FNBP1: variants seen among roughly 807,000 people sequenced by gnomAD.
FNBP1 encodes the protein formin-binding protein 1.
FNBP1 carries 26 observed loss-of-function variants against 90.6 expected under a neutral mutation model. The ratio of observed to expected loss-of-function variants is 0.29; its 90% CI spans 0.21 to 0.40. The LOEUF is 0.40. FNBP1 is among the 10% of genes least tolerant of loss of function. The probability of loss-of-function intolerance (pLI) is 1.00; values close to 1 mark genes in which losing one functional copy is unlikely to be tolerated. For missense variants in FNBP1, 635 were observed against 768.0 expected (o/e 0.83, Z 2.05); for synonymous variants, 260 against 265.2 (o/e 0.98, Z 0.19).
At chr9:130,051,744 G>T in the FNBP1 span, among the ~76,000 whole-genome samples, 2 of 152,102 alleles carry the variant, frequency 1.3e-5, no homozygotes, top group African/African-American at 4.8e-5. Context: ...CCTGGGAGGT[G>T]GAGACTACAG....
At chr9:129,894,871 C>T (rs914606700) in intron 16 of FNBP1, among the ~76,000 whole-genome samples, 1 of 152,124 alleles carries the variant, frequency 6.6e-6, no homozygotes, top group Non-Finnish European at 1.5e-5. Flanking sequence ...ACCAGCCTGG[C>T]CAACAGAGCG....
intron 2 of FNBP1, among the ~76,000 whole-genome samples, chr9:129,985,989 C>T (rs1391597468): frequency 2.4e-5 from 3 of 124,984 alleles, no homozygotes; most frequent in East Asian, 4.6e-4. Context: ...AAAAAAAATT[C>T]GCCAGGTGTG....
intron 10 of FNBP1, among the ~76,000 whole-genome samples, chr9:129,918,515 T>C (rs1046513557): frequency 4.6e-5 from 7 of 152,218 alleles, no homozygotes; most frequent in African/African-American, 1.7e-4. Context: ...GGCGAGTCCA[T>C]GTGTTATTGG....
chr9:129,940,338 C>T (rs1210870628), intron 6 of FNBP1, among the ~76,000 whole-genome samples: 1 of 151,884 alleles, frequency 6.6e-6, no homozygotes, highest in Admixed American at 6.6e-5. Context: ...GGTATATCTT[C>T]AAAAGAATAA....
intron 1 of FNBP1, among the ~76,000 whole-genome samples, chr9:130,032,712 G>A (rs1271496297): frequency 6.6e-6 from 1 of 151,772 alleles, no homozygotes. Context: ...AGCTTTTTAG[G>A]TGAGGAAATA....
intron 6 of FNBP1, among the ~76,000 whole-genome samples, chr9:129,941,714 C>T (rs1192632028): frequency 6.6e-6 from 1 of 152,176 alleles, no homozygotes; most frequent in Non-Finnish European, 1.5e-5. Flanking sequence ...ATCCTTCCAC[C>T]TTGGCCTCCC....
intron 4 of FNBP1, among the ~76,000 whole-genome samples, chr9:129,959,567 G>A (rs1053135174): frequency 3.9e-5 from 6 of 152,072 alleles, no homozygotes; most frequent in African/African-American, 1.4e-4. Flanking sequence ...CCAGCTCTGG[G>A]CAACAGAGCA....
intron 15 of FNBP1, among the ~76,000 whole-genome samples, chr9:129,897,295 G>A (rs868431966): frequency 2.6e-5 from 4 of 152,164 alleles, no homozygotes; most frequent in South Asian, 2.1e-4. Context: ...TCATTTCAAA[G>A]GCTGCCCACC....
At chr9:129,895,391 A>C in intron 16 of FNBP1, 1 of 1,085,722 alleles carries the variant, frequency 9.2e-7, no homozygotes, top group Admixed American at 5.2e-5. Flanking sequence ...ATTAAGTTAC[A>C]ATCTGTAACC....
At chr9:130,029,051 A>T (rs1377005595) in intron 1 of FNBP1, among the ~76,000 whole-genome samples, 1 of 152,230 alleles carries the variant, frequency 6.6e-6, no homozygotes, top group Non-Finnish European at 1.5e-5. Flanking sequence ...CTGTAAATAC[A>T]GATTACATAT....
chr9:129,965,798 GGGGAAGGAGGGAGGGAGGGAGGAAGGA>G (rs1388202644), intron 4 of FNBP1, among the ~76,000 whole-genome samples: 6 of 122,620 alleles, frequency 4.9e-5, no homozygotes, highest in South Asian at 2.8e-4. Flanking sequence ...GGGAGGGAGG[GGGGAAGGAGGGAGGGAGGGAGGAAGGA>G]AGGAAGGAAG....
Position 129,887,240 on chromosome 9 carries a change from A to G in FNBP1, c.*3299T>C, listed in dbSNP as rs1171357523. On this transcript the variant is annotated 3_prime_UTR_variant, in exon 17 of 17. Coordinates refer to ENST00000446176, the MANE Select transcript of FNBP1 (RefSeq NM_015033.3). ...ATTAACATATAGTTACAAGGTCAAT[A>G]CAAGCCTCCAGTGGAAGCTCTTTAT... The G allele has an allele frequency of 5.4e-6, 1 of 184,788 alleles. No homozygotes were observed. Among genetic ancestry groups the G allele is most frequent in the East Asian group, 8.7e-5 (1 of 11,448 alleles). The allele number at this position is 184,788 out of a possible 1,614,324, so 11.4% of individuals were successfully genotyped here.
intron 10 of FNBP1, 48 bp downstream of exon 10, chr9:129,923,796 A>G: frequency 6.6e-7 from 1 of 1,506,612 alleles, no homozygotes; most frequent in Non-Finnish European, 8.8e-7. Context: ...AGAACCAAAC[A>G]TGCAACCAAA....
rs1589139486 is a variant in FNBP1 at position 129,994,504 on chromosome 9, C to T, written c.140+339G>A. Among the ~76,000 whole-genome samples the T allele has an allele frequency of 2.0e-5, 3 of 152,150 alleles. 1 individual carries two copies. In the South Asian group the frequency reaches 6.2e-4, roughly 32 times the overall value. On this transcript the variant is annotated intron_variant, in intron 2 of 16. Coordinates refer to ENST00000446176, the MANE Select transcript of FNBP1 (RefSeq NM_015033.3). ...GGTTACATGAGTGTGTTCACACTGT[C>T]AAAATTCATGGAGCTGCACACTTAT...
In FNBP1 at chr9:129,915,956, T is replaced by C. The variant is rs746331579; in HGVS notation, c.1185+10A>G. ...TAGACTCAGGACATGCATGGAACAA[T>C]TGTGCTTACCAGCTTGAGAGAAAGC... On this transcript the variant is annotated intron_variant, in intron 11 of 16. Coordinates refer to ENST00000446176, the MANE Select transcript of FNBP1 (RefSeq NM_015033.3). 17 of 1,606,570 alleles carry C rather than the reference T, an allele frequency of 1.1e-5. No homozygotes were observed. The highest frequency in any genetic ancestry group is 2.2e-5 in the East Asian group (1 of 44,822).
intron 4 of FNBP1, among the ~76,000 whole-genome samples, chr9:129,972,159 A>G (rs1484519126): frequency 6.6e-6 from 1 of 152,164 alleles, no homozygotes; most frequent in Non-Finnish European, 1.5e-5. Flanking sequence ...TTCGAGATGG[A>G]GTCTTGCTCG....
At chr9:129,967,634 C>T (rs1029066218) in intron 4 of FNBP1, among the ~76,000 whole-genome samples, 1 of 152,138 alleles carries the variant, frequency 6.6e-6, no homozygotes, top group Admixed American at 6.5e-5. Context: ...AATGGTGATG[C>T]TGTATTAGGC....
At chr9:129,925,968 T>C (rs1293828079) in intron 8 of FNBP1, among the ~76,000 whole-genome samples, 1 of 151,882 alleles carries the variant, frequency 6.6e-6, no homozygotes, top group Non-Finnish European at 1.5e-5. Flanking sequence ...ACTATTGTTT[T>C]CTGATTTTTT....
chr9:130,028,756 G>A (rs1427926889), intron 1 of FNBP1, among the ~76,000 whole-genome samples: 2 of 152,186 alleles, frequency 1.3e-5, no homozygotes, highest in African/African-American at 4.8e-5. Context: ...GAGTTCCAAA[G>A]TTAAATAAAG....
Sources: gnomAD v4.1 joint callset for allele counts (sites outside exome capture counted in the v4.1 genomes callset) on GRCh38, gnomAD v4.1.1 for gene constraint, MANE v1.5 for transcripts, NCBI Gene and HGNC (gene_info 2026-07-23, HGNC 2026-07-21) for gene names.